RHOT1: variants seen among roughly 807,000 people sequenced by gnomAD.
RHOT1 encodes ras homolog family member T1, also known as mitochondrial Rho GTPase 1.
A neutral mutation model predicts 95.3 loss-of-function variants in RHOT1; 27 were observed. The ratio of observed to expected loss-of-function variants is 0.28; its 90% CI spans 0.21 to 0.39. RHOT1 has a LOEUF of 0.39. Ranked by LOEUF, RHOT1 falls within the 10% of genes least tolerant of loss-of-function variation. The probability of loss-of-function intolerance (pLI) is 1.00; values close to 1 mark genes in which losing one functional copy is unlikely to be tolerated. For synonymous variants in RHOT1, 227 were observed against 263.5 expected (o/e 0.86, Z 1.34); for missense variants, 578 against 786.7 (o/e 0.73, Z 3.17).
At chr17:32,191,172 A>G (rs529762316) in intron 8 of RHOT1, among the ~76,000 whole-genome samples, 4 of 152,164 alleles carry the variant, frequency 2.6e-5, no homozygotes, top group African/African-American at 7.2e-5. Context: ...TTTTCTCACT[A>G]TATCAAATTA....
intron 18 of RHOT1, chr17:32,209,639 A>G: frequency 2.2e-6 from 1 of 451,994 alleles, no homozygotes; most frequent in Non-Finnish European, 4.0e-6. Flanking sequence ...TCTTGTGATT[A>G]CAGTAACTGC....
chr17:32,142,591 C>A lies in RHOT1; in HGVS notation c.-102C>A. On this transcript the variant is annotated 5_prime_UTR_variant, in exon 1 of 20. Transcript: ENST00000545287. ...GAGGGGGCGGCGCGGCGGGCCCCGG[C>A]GGCCGAAGAGGCTGGCAGGTGGCGC... The A allele has an allele frequency of 9.8e-7, 1 of 1,016,060 alleles. No homozygotes were observed. Among genetic ancestry groups the A allele is most frequent in the Non-Finnish European group, 1.3e-6 (1 of 744,804 alleles). The allele number at this position is 1,016,060 out of a possible 1,614,324, so 62.9% of individuals were successfully genotyped here. A position where few individuals can be genotyped will look rare whatever the true frequency, so the allele number is the denominator to read the frequency against.
chr17:32,189,336 A>G (rs1226715212), intron 8 of RHOT1, among the ~76,000 whole-genome samples: 1 of 152,138 alleles, frequency 6.6e-6, no homozygotes. Flanking sequence ...ACAAAAAAAC[A>G]CATAGATTCC....
Position 32,209,324 on chromosome 17 carries a change from A to G in RHOT1, c.1739+1015A>G, listed in dbSNP as rs780256417. ...CTTATTTATGTTTTACCTTTGCTTTAAAACTCTCATGTATGTTATCTACAG... is the reference window on the plus strand; with the variant it reads ...CTTATTTATGTTTTACCTTTGCTTTGAAACTCTCATGTATGTTATCTACAG... On this transcript the variant is annotated intron_variant, in intron 18 of 19. Coordinates refer to ENST00000545287, the MANE Select transcript of RHOT1 (RefSeq NM_001033566.3). The G allele has an allele frequency of 3.0e-6, 4 of 1,325,872 alleles. No individual in the cohort carries two copies. In the East Asian group the frequency reaches 9.5e-5, roughly 32 times the overall value. The allele number at this position is 1,325,872 out of a possible 1,614,324, so 82.1% of individuals were successfully genotyped here. A position where few individuals can be genotyped will look rare whatever the true frequency, so the allele number is the denominator to read the frequency against.
chr17:32,178,211 C>CA (rs947235386), intron 6 of RHOT1, among the ~76,000 whole-genome samples: 6 of 149,508 alleles, frequency 4.0e-5, no homozygotes, highest in Admixed American at 2.0e-4. Flanking sequence ...CCTCCCCCCC[C>CA]CCAGTGATCT....
Position 32,188,156 on chromosome 17 carries a change from G to A in RHOT1, c.541-4045G>A, listed in dbSNP as rs141688164. ...AGTACTATGTATATCACTCTACCAG[G>A]ACCTTTTATTTATATTCATTGCATA... is the stretch of plus-strand genomic sequence containing the variant. On this transcript the variant is annotated intron_variant, in intron 8 of 19. Transcript: ENST00000545287. 4.6e-4 allele frequency among the ~76,000 whole-genome samples: 70 copies of A among 152,258 alleles called. 4 individuals carry two copies. In the South Asian group the frequency reaches 6.6e-3, roughly 14 times the overall value.
intron 2 of RHOT1, among the ~76,000 whole-genome samples, chr17:32,172,571 G>A (rs546881381): frequency 3.3e-5 from 5 of 152,314 alleles, no homozygotes; most frequent in East Asian, 3.9e-4. Flanking sequence ...AGTGGCTCAC[G>A]CCTGTAATCC....
chr17:32,181,771 A>G (rs778462287), intron 6 of RHOT1, among the ~76,000 whole-genome samples: 8 of 152,228 alleles, frequency 5.3e-5, no homozygotes, highest in African/African-American at 9.7e-5. Context: ...GAATCATTCA[A>G]TGACTTCCCA....
At chr17:32,177,182 C>T (rs1211909167) in intron 6 of RHOT1, among the ~76,000 whole-genome samples, 2 of 152,142 alleles carry the variant, frequency 1.3e-5, no homozygotes, top group African/African-American at 4.8e-5. Context: ...CTCTGCTGTC[C>T]AGTGTAGTAG....
At chr17:32,203,618 A>T (rs920164195) in intron 15 of RHOT1, among the ~76,000 whole-genome samples, 1 of 152,228 alleles carries the variant, frequency 6.6e-6, no homozygotes, top group Non-Finnish European at 1.5e-5. Context: ...GATTGCCAGC[A>T]GGTGGCTCTA....
intron 17 of RHOT1, among the ~76,000 whole-genome samples, chr17:32,207,795 T>G (rs1174225356): frequency 6.6e-6 from 1 of 152,152 alleles, no homozygotes; most frequent in East Asian, 1.9e-4. Context: ...ATAAAAGAAT[T>G]TAGGTGGATT....
At chr17:32,189,317 C>CAA (rs562782613) in intron 8 of RHOT1, among the ~76,000 whole-genome samples, 91 of 152,100 alleles carry the variant, frequency 6.0e-4, no homozygotes, top group South Asian at 2.7e-3. Flanking sequence ...AAAAACAAAA[C>CAA]AAAAAACAAC....
At chr17:32,172,230 CT>C (rs988387484) in intron 2 of RHOT1, among the ~76,000 whole-genome samples, 1 of 151,926 alleles carries the variant, frequency 6.6e-6, no homozygotes, top group Non-Finnish European at 1.5e-5. Flanking sequence ...TTATTTTTTG[CT>C]TTTTTTCTCT....
intron 7 of RHOT1, 31 bp downstream of exon 7, chr17:32,182,896 T>G: frequency 7.5e-7 from 1 of 1,331,684 alleles, no homozygotes; most frequent in Non-Finnish European, 1.1e-6. Flanking sequence ...TGAAAATTTA[T>G]TTTTAATGAA....
At chr17:32,173,739 A>G in intron 2 of RHOT1, 92 bp from the exon 3 acceptor site, 2 of 874,628 alleles carry the variant, frequency 2.3e-6, no homozygotes, top group Non-Finnish European at 3.7e-6. Context: ...GAAACACTCA[A>G]CCTGTGTAGA....
chr17:32,193,037 A>C, intron 9 of RHOT1, 99 bp from the exon 10 acceptor site: 1 of 701,382 alleles, frequency 1.4e-6, no homozygotes, highest in East Asian at 2.9e-5. Flanking sequence ...CTTTGGTTGC[A>C]ATTCATGGAT....
chr17:32,189,589 A>G (rs1323628015), intron 8 of RHOT1, among the ~76,000 whole-genome samples: 1 of 152,100 alleles, frequency 6.6e-6, no homozygotes, highest in Non-Finnish European at 1.5e-5. Context: ...ATCTACCACC[A>G]TCTGTTACTC....
At position 32,207,148 on chromosome 17, in the gene RHOT1, A is replaced by G. The variant is rs1462967543; in HGVS notation, c.1536+119A>G. The G allele has an allele frequency of 2.8e-5, 26 of 944,470 alleles. No homozygotes were observed. The Admixed American group carries it at 4.3e-4, about 15-fold the overall frequency. The allele number at this position is 944,470 out of a possible 1,614,324, so 58.5% of individuals were successfully genotyped here. On this transcript the variant is annotated intron_variant, in intron 17 of 19. Transcript: ENST00000545287. Reference sequence around the variant, plus strand: ...AAAATCATGTGTATTTTAAAAATACATACATCTTTACCCTATTCCTGAAGG... The same window carrying G: ...AAAATCATGTGTATTTTAAAAATACGTACATCTTTACCCTATTCCTGAAGG...
At chr17:32,223,214 CTAAT>C (rs113379207) in intron 19 of RHOT1, among the ~76,000 whole-genome samples, 5,117 of 151,970 alleles carry the variant, frequency 0.034, 270 homozygotes, top group African/African-American at 0.12. Context: ...TTTGTGATAA[CTAAT>C]CTGTTCTCTT....
Sources: allele counts gnomAD v4.1 joint callset (sites outside exome capture counted in the v4.1 genomes callset), GRCh38; gene constraint gnomAD v4.1.1; transcripts MANE v1.5; gene names NCBI Gene and HGNC (gene_info 2026-07-23, HGNC 2026-07-21).